CNTN1: variants seen among roughly 807,000 people sequenced by gnomAD.
The protein encoded by CNTN1 is contactin-1.
A neutral mutation model predicts 126.4 loss-of-function variants in CNTN1; 38 were observed. The observed-to-expected ratio is 0.30, with a 90% CI of 0.23 to 0.39. The LOEUF (loss-of-function observed/expected upper bound fraction) is 0.39. CNTN1 is among the 10% of genes least tolerant of loss of function. The pLI, the probability that CNTN1 is intolerant of heterozygous loss-of-function variation, is 1.00. For missense variants in CNTN1, 1,009 were observed against 1,248.4 expected, an observed-to-expected ratio of 0.81 and a Z score of 2.89; for synonymous variants, 413 against 422.6, an observed-to-expected ratio of 0.98 and a Z score of 0.28.
rs577706004 is a variant in CNTN1, at chr12:40,996,056, G to A, written c.2113+2787G>A. On this transcript the variant is annotated intron_variant, in intron 17 of 23. Transcript: ENST00000551295. ...AGACAGTGGGCAGTATTGTGGCTCC[G>A]GGCCACTGATCCTTTGGTGGAATGC... Among the ~76,000 whole-genome samples, 207 of 152,008 alleles carry A rather than the reference G, an allele frequency of 1.4e-3. 1 individual carries two copies. Among genetic ancestry groups the A allele is most frequent in the Non-Finnish European group, 1.1e-3 (76 of 68,020 alleles).
intron 22 of CNTN1, among the ~76,000 whole-genome samples, chr12:41,028,749 G>T (rs981059120): frequency 6.6e-6 from 1 of 152,044 alleles, no homozygotes; most frequent in African/African-American, 2.4e-5. Context: ...TATTTTAAAA[G>T]TTCTCATTTT....
intron 12 of CNTN1, among the ~76,000 whole-genome samples, chr12:40,942,665 C>T (rs1028316172): frequency 6.6e-6 from 1 of 152,082 alleles, no homozygotes; most frequent in African/African-American, 2.4e-5. Context: ...ATTCTCAGAG[C>T]TTCCATGATC....
intron 1 of CNTN1, among the ~76,000 whole-genome samples, chr12:40,709,689 C>A (rs1941861605): frequency 6.6e-6 from 1 of 152,226 alleles, no homozygotes. Flanking sequence ...ATCACCACAT[C>A]CTGCTTCACT....
Position 40,776,290 on chromosome 12 carries a change from A to C in CNTN1, c.-77+83698A>C, listed in dbSNP as rs573565621. ...ACAAGAGTTGGACACATAAGATAAA[A>C]GTAAAGCCTTTATAACAAACCAAAA... On this transcript the variant is annotated intron_variant, in intron 1 of 23. Coordinates refer to ENST00000551295, the MANE Select transcript of CNTN1 (RefSeq NM_001843.4). Among the ~76,000 whole-genome samples, 7 of 151,860 alleles carry C rather than the reference A, an allele frequency of 4.6e-5. No homozygotes were observed. The East Asian group carries it at 1.4e-3, about 29-fold the overall frequency.
intron 4 of CNTN1, among the ~76,000 whole-genome samples, chr12:40,919,833 A>G (rs1945374630): frequency 6.6e-6 from 1 of 152,200 alleles, no homozygotes. Flanking sequence ...TATTTTATAA[A>G]TTATAAATAA....
intron 23 of CNTN1, among the ~76,000 whole-genome samples, chr12:41,068,256 G>T (rs967021943): frequency 1.3e-5 from 2 of 152,138 alleles, no homozygotes; most frequent in Admixed American, 1.3e-4. Flanking sequence ...TACCATTGTA[G>T]GTTGTTGTAG....
chr12:41,011,219 G>T (rs189234221), intron 17 of CNTN1, among the ~76,000 whole-genome samples: 1 of 152,308 alleles, frequency 6.6e-6, no homozygotes, highest in Admixed American at 6.5e-5. Flanking sequence ...TTCTCAGATG[G>T]CTCCTCTGGA....
At chr12:40,731,535 A>T (rs1942500736) in intron 1 of CNTN1, among the ~76,000 whole-genome samples, 1 of 152,040 alleles carries the variant, frequency 6.6e-6, no homozygotes, top group African/African-American at 2.4e-5. Context: ...TTTAAAATGT[A>T]CATATTCTTT....
intron 23 of CNTN1, among the ~76,000 whole-genome samples, chr12:41,047,074 C>A (rs1054287157): frequency 6.6e-6 from 1 of 151,918 alleles, no homozygotes; most frequent in Non-Finnish European, 1.5e-5. Flanking sequence ...TATGCCCCTA[C>A]CAAGATCTCC....
At chr12:40,859,421 G>A (rs1445900980) in intron 1 of CNTN1, among the ~76,000 whole-genome samples, 1 of 152,078 alleles carries the variant, frequency 6.6e-6, no homozygotes, top group Non-Finnish European at 1.5e-5. Context: ...GTGGGCAGAT[G>A]AAGGGGGTAT....
chr12:41,039,742 A>G (rs77307835), intron 23 of CNTN1, among the ~76,000 whole-genome samples: 1 of 152,160 alleles, frequency 6.6e-6, no homozygotes, highest in African/African-American at 2.4e-5. Context: ...AAACAGAGAT[A>G]GCAGATGTTT....
intron 4 of CNTN1, among the ~76,000 whole-genome samples, chr12:40,920,400 A>G (rs1235668846): frequency 1.3e-5 from 2 of 151,792 alleles, no homozygotes; most frequent in Non-Finnish European, 2.9e-5. Context: ...TGAAATTCCC[A>G]CTTTGAGTTT....
intron 1 of CNTN1, among the ~76,000 whole-genome samples, chr12:40,799,561 T>C (rs377080882): frequency 2.0e-5 from 3 of 152,096 alleles, no homozygotes; most frequent in South Asian, 4.1e-4. Context: ...AGATAATATT[T>C]TCTGAATCAT....
intron 1 of CNTN1, among the ~76,000 whole-genome samples, chr12:40,817,604 C>T (rs1332304455): frequency 6.8e-6 from 1 of 146,306 alleles, no homozygotes; most frequent in Non-Finnish European, 1.5e-5. Context: ...ATTGATGGGT[C>T]TTGACTCCTT....
At chr12:40,716,139 C>A (rs1171787141) in intron 1 of CNTN1, among the ~76,000 whole-genome samples, 1 of 152,174 alleles carries the variant, frequency 6.6e-6, no homozygotes, top group Non-Finnish European at 1.5e-5. Context: ...AAAGGATAAA[C>A]TTTTCCATGG....
chr12:40,828,433 T>C lies in CNTN1; in HGVS notation c.-76-79924T>C, dbSNP rs148574804. The C allele has an allele frequency of 1.2e-4, 19 of 152,300 alleles. No individual in the cohort carries two copies. In the East Asian group the frequency reaches 3.3e-3, roughly 26 times the overall value. 9.4% of individuals were successfully genotyped at this position (152,300 alleles called of 1,614,324 possible). ...GCAATGCCAGCATCAGGACTCTCAA[T>C]TGTTACGTTAAACGAGAGGTGACTT... is the stretch of plus-strand genomic sequence containing the variant. On this transcript the variant is annotated intron_variant, in intron 1 of 23. Coordinates refer to ENST00000551295, the MANE Select transcript of CNTN1 (RefSeq NM_001843.4).
intron 14 of CNTN1, among the ~76,000 whole-genome samples, chr12:40,955,710 A>G (rs1566031320): frequency 6.6e-6 from 1 of 152,106 alleles, no homozygotes; most frequent in Non-Finnish European, 1.5e-5. Flanking sequence ...TTCCTTAAGG[A>G]ATTACAGTCT....
At chr12:40,994,966 A>G (rs1348473105) in intron 17 of CNTN1, among the ~76,000 whole-genome samples, 2 of 152,058 alleles carry the variant, frequency 1.3e-5, no homozygotes, top group Admixed American at 6.6e-5. Flanking sequence ...TAGTCATATT[A>G]ACTTAGATAA....
chr12:40,996,067 C>G (rs1425773683), intron 17 of CNTN1, among the ~76,000 whole-genome samples: 1 of 152,000 alleles, frequency 6.6e-6, no homozygotes, highest in Non-Finnish European at 1.5e-5. Context: ...GGCCACTGAT[C>G]CTTTGGTGGA....
Sources: allele counts gnomAD v4.1 joint callset (sites outside exome capture counted in the v4.1 genomes callset), GRCh38; gene constraint gnomAD v4.1.1; transcripts MANE v1.5; gene names NCBI Gene and HGNC (gene_info 2026-07-23, HGNC 2026-07-21).